Variants in SMAD4 observed in about 807,000 individuals in gnomAD.
The protein encoded by SMAD4 is SMAD family member 4, also known as MAD homolog 4.
In SMAD4, 7 loss-of-function variants were observed where a neutral mutation model predicts 63.2. The ratio of observed to expected loss-of-function variants is 0.11; its 90% CI spans 0.06 to 0.21. The LOEUF (loss-of-function observed/expected upper bound fraction) is 0.21. Ranked by LOEUF, SMAD4 falls within the 10% of genes least tolerant of loss-of-function variation. SMAD4 has a pLI of 1.00. For synonymous variants in SMAD4, 215 were observed against 235.4 expected (o/e 0.91, Z 0.79); for missense variants, 312 against 693.8 (o/e 0.45, Z 6.18).
intron 1 of SMAD4, among the ~76,000 whole-genome samples, chr18:51,031,451 A>G (rs1404515060): frequency 6.6e-6 from 1 of 152,178 alleles, no homozygotes; most frequent in Non-Finnish European, 1.5e-5. Flanking sequence ...GTTTGTTTTT[A>G]TTTAAAAAAA....
chr18:51,060,943 T>C (rs996299320), intron 8 of SMAD4, among the ~76,000 whole-genome samples: 1 of 152,012 alleles, frequency 6.6e-6, no homozygotes, highest in African/African-American at 2.4e-5. Flanking sequence ...CTCGCTATGT[T>C]GTCCAGGCTG....
chr18:51,055,915 G>C (rs2144421848), intron 5 of SMAD4, among the ~76,000 whole-genome samples: 1 of 152,078 alleles, frequency 6.6e-6, no homozygotes, highest in Non-Finnish European at 1.5e-5. Context: ...TTTGATCTTT[G>C]GAATAAATGG....
At chr18:51,032,740 G>T (rs900919239) in intron 1 of SMAD4, among the ~76,000 whole-genome samples, 1 of 152,102 alleles carries the variant, frequency 6.6e-6, no homozygotes, top group African/African-American at 2.4e-5. Context: ...TCTAATTGAG[G>T]TGTGAGTTAC....
At chr18:51,040,805 CTT>C (rs999486804) in intron 1 of SMAD4, among the ~76,000 whole-genome samples, 4 of 152,214 alleles carry the variant, frequency 2.6e-5, no homozygotes, top group East Asian at 3.9e-4. Flanking sequence ...CTTGCTAACT[CTT>C]TACCTCTCAT....
chr18:51,078,050 A>T (rs1240724641), intron 11 of SMAD4, among the ~76,000 whole-genome samples: 1 of 152,230 alleles, frequency 6.6e-6, no homozygotes, highest in African/African-American at 2.4e-5. Context: ...TAGAAGACAC[A>T]TGTGAAATGT....
rs1463761827 is a variant in SMAD4, at chr18:51,082,197, A to C, written c.*3730A>C. ...TTAACAATTATTTTGTAGGTGGGGT[A>C]CACTCAGCTTAAAGTAATGCATTTT... On this transcript the variant is annotated 3_prime_UTR_variant, in exon 12 of 12. Transcript: ENST00000342988. 4.3e-6 allele frequency: 1 copy of C among 229,966 alleles called. No homozygotes were observed. Among genetic ancestry groups the C allele is most frequent in the East Asian group, 6.2e-5 (1 of 16,058 alleles). The allele number at this position is 229,966 out of a possible 1,614,324, so 14.2% of individuals were successfully genotyped here. A position where few individuals can be genotyped will look rare whatever the true frequency, so the allele number is the denominator to read the frequency against.
chr18:51,068,763 A>G (rs1479405129), intron 10 of SMAD4, among the ~76,000 whole-genome samples: 11 of 151,998 alleles, frequency 7.2e-5, no homozygotes, highest in Admixed American at 7.2e-4. Flanking sequence ...CTACAAAAAA[A>G]TTAAAAAATT....
chr18:51,042,283 GCCTGCCTCCCTCCCTCCTTCCCTCCCTC>G (rs1909405765), intron 1 of SMAD4, among the ~76,000 whole-genome samples: 3 of 144,424 alleles, frequency 2.1e-5, no homozygotes, highest in African/African-American at 8.1e-5. Flanking sequence ...TTTCTTGCCT[GCCTGCCTCCCTCCCTCCTTCCCTCCCTC>G]CCTCCCTCCC....
chr18:51,051,786 T>A (rs1267895547), intron 4 of SMAD4, among the ~76,000 whole-genome samples: 1 of 152,040 alleles, frequency 6.6e-6, no homozygotes, highest in African/African-American at 2.4e-5. Flanking sequence ...AGAGAATATA[T>A]TCTTTGACCC....
intron 1 of SMAD4, among the ~76,000 whole-genome samples, chr18:51,041,510 A>G (rs1909382580): frequency 1.3e-5 from 2 of 152,188 alleles, no homozygotes; most frequent in African/African-American, 4.8e-5. Flanking sequence ...AGCAGCAACC[A>G]TGGCCTTTAG....
chr18:51,053,722 T>TG (rs1909769469), intron 4 of SMAD4: 1 of 152,186 alleles, frequency 6.6e-6, no homozygotes, highest in Admixed American at 6.5e-5. Context: ...TAGTAGATTT[T>TG]TTTTCAAAGG....
chr18:51,048,911 A>C, intron 3 of SMAD4, 51 bp downstream of exon 3: 88 of 1,482,942 alleles, frequency 5.9e-5, no homozygotes, highest in Middle Eastern at 2.3e-4. Flanking sequence ...AAAGGATCTC[A>C]ATAGTGTTTC....
At chr18:51,034,518 T>TCCCAA (rs1438380499) in intron 1 of SMAD4, among the ~76,000 whole-genome samples, 2 of 152,208 alleles carry the variant, frequency 1.3e-5, no homozygotes, top group East Asian at 3.8e-4. Context: ...CCCAAGGTGC[T>TCCCAA]GGGATTATAG....
chr18:51,072,935 A>G (rs565815684), intron 10 of SMAD4, among the ~76,000 whole-genome samples: 14 of 152,340 alleles, frequency 9.2e-5, no homozygotes, highest in Non-Finnish European at 4.4e-5. Context: ...GGAATCTGTT[A>G]TGGTATCCGT....
chr18:51,059,778 A>G (rs767875692), intron 7 of SMAD4, 88 bp from the exon 8 acceptor site: 39 of 943,902 alleles, frequency 4.1e-5, no homozygotes, highest in Non-Finnish European at 5.3e-5. Flanking sequence ...AACCTATAAT[A>G]GTTATATTTA....
intron 4 of SMAD4, chr18:51,052,395 T>C (rs564229930): frequency 6.5e-6 from 1 of 153,440 alleles, no homozygotes; most frequent in South Asian, 2.0e-4. Context: ...ATTTAAACAA[T>C]GGAAAAATAT....
intron 1 of SMAD4, among the ~76,000 whole-genome samples, chr18:51,043,942 C>G (rs543892870): frequency 3.2e-4 from 49 of 152,262 alleles, no homozygotes; most frequent in African/African-American, 1.2e-3. Flanking sequence ...TGGTATATGT[C>G]AGGAACTGTG....
intron 3 of SMAD4, 100 bp downstream of exon 3, chr18:51,048,960 C>T (rs1376453577): frequency 1.5e-5 from 15 of 1,032,520 alleles, no homozygotes; most frequent in East Asian, 4.9e-5. Flanking sequence ...GAAGATAGCC[C>T]GCGACTTTAA....
chr18:51,061,272 C>T (rs539901321), intron 8 of SMAD4, among the ~76,000 whole-genome samples: 40 of 151,956 alleles, frequency 2.6e-4, no homozygotes, highest in Non-Finnish European at 2.6e-4. Flanking sequence ...CTACAGTCAC[C>T]CTGTTGTGCT....
Sources: gnomAD v4.1 joint callset for allele counts (sites outside exome capture counted in the v4.1 genomes callset) on GRCh38, gnomAD v4.1.1 for gene constraint, MANE v1.5 for transcripts, NCBI Gene and HGNC (gene_info 2026-07-23, HGNC 2026-07-21) for gene names.